Variants in KCNQ5 observed in about 807,000 individuals in gnomAD.
KCNQ5 encodes potassium voltage-gated channel subfamily Q member 5.
KCNQ5 carries 30 observed loss-of-function variants against 98.2 expected under a neutral mutation model. The observed-to-expected ratio is 0.31, with a 90% CI of 0.23 to 0.41. The LOEUF (loss-of-function observed/expected upper bound fraction) is 0.41, where lower values mean the gene tolerates loss of function less well. Among genes scored for constraint, KCNQ5 ranks in the 10% least tolerant of loss-of-function variants. The pLI is 1.00. For synonymous variants in KCNQ5, 458 were observed against 449.4 expected (o/e 1.02, Z -0.24); for missense variants, 835 against 1,182.5 (o/e 0.71, Z 4.31).
At chr6:72,979,090 G>A (rs1024651101) in intron 1 of KCNQ5, among the ~76,000 whole-genome samples, 9 of 152,100 alleles carry the variant, frequency 5.9e-5, no homozygotes, top group African/African-American at 1.9e-4. Flanking sequence ...ATGAATATTT[G>A]GGTTGGTTCC....
chr6:73,147,307 C>A (rs9446856), intron 10 of KCNQ5, among the ~76,000 whole-genome samples: 32,827 of 152,026 alleles, frequency 0.22, 8,444 homozygotes, highest in African/African-American at 0.61. Flanking sequence ...TTAATTAATG[C>A]TGATTTCTGC....
At chr6:73,165,293 A>C (rs1262663018) in intron 10 of KCNQ5, among the ~76,000 whole-genome samples, 3 of 151,892 alleles carry the variant, frequency 2.0e-5, no homozygotes, top group African/African-American at 7.3e-5. Context: ...CTGTACTGGG[A>C]CTCCTGATAA....
chr6:73,020,287 G>A (rs1193897584), intron 2 of KCNQ5, among the ~76,000 whole-genome samples: 2 of 152,016 alleles, frequency 1.3e-5, no homozygotes, highest in African/African-American at 4.8e-5. Flanking sequence ...CAGCGTTCTC[G>A]TGACCTTCTC....
intron 1 of KCNQ5, among the ~76,000 whole-genome samples, chr6:72,681,020 AC>A (rs1337370506): frequency 2.0e-5 from 3 of 152,236 alleles, no homozygotes; most frequent in African/African-American, 7.2e-5. Context: ...CTAATTGTAT[AC>A]CAAAGCACTT....
chr6:73,017,296 T>A (rs2150335844), intron 2 of KCNQ5, among the ~76,000 whole-genome samples: 1 of 152,274 alleles, frequency 6.6e-6, no homozygotes, highest in East Asian at 1.9e-4. Context: ...TAATTCATCA[T>A]TTTTTAAGTT....
At chr6:72,723,783 C>CA (rs951842289) in intron 1 of KCNQ5, among the ~76,000 whole-genome samples, 186 of 149,082 alleles carry the variant, frequency 1.2e-3, no homozygotes, top group Admixed American at 7.3e-3. Flanking sequence ...AGCAAGATTT[C>CA]AAAAAAAAAA....
At chr6:72,647,747 A>G (rs1487800088) in intron 1 of KCNQ5, among the ~76,000 whole-genome samples, 1 of 152,122 alleles carries the variant, frequency 6.6e-6, no homozygotes, top group Non-Finnish European at 1.5e-5. Flanking sequence ...AGGCAAATTT[A>G]TTTCTCTTAT....
chr6:72,953,433 T>C (rs1370462615), intron 1 of KCNQ5, among the ~76,000 whole-genome samples: 2 of 152,218 alleles, frequency 1.3e-5, no homozygotes, highest in Admixed American at 6.5e-5. Context: ...TGCTTTCTCA[T>C]AATGTAGGAA....
intron 1 of KCNQ5, among the ~76,000 whole-genome samples, chr6:72,731,193 G>A (rs915943366): frequency 2.0e-5 from 3 of 152,206 alleles, no homozygotes; most frequent in Admixed American, 6.5e-5. Flanking sequence ...GAGAGGACAG[G>A]TGGGTAGAGA....
intron 1 of KCNQ5, among the ~76,000 whole-genome samples, chr6:72,713,911 C>A (rs775938119): frequency 2.0e-5 from 3 of 152,180 alleles, no homozygotes; most frequent in Admixed American, 2.0e-4. Context: ...CTACCTGGAT[C>A]CTGTGTTGTG....
intron 1 of KCNQ5, among the ~76,000 whole-genome samples, chr6:72,827,831 A>G (rs1286108354): frequency 6.6e-6 from 1 of 152,006 alleles, no homozygotes; most frequent in Non-Finnish European, 1.5e-5. Flanking sequence ...TGTTTCTCAT[A>G]TGTTTTCTCC....
At chr6:72,819,884 A>T (rs532375260) in intron 1 of KCNQ5, among the ~76,000 whole-genome samples, 2 of 152,264 alleles carry the variant, frequency 1.3e-5, no homozygotes, top group South Asian at 4.1e-4. Flanking sequence ...CAGCCTGTTG[A>T]CTTGGAAATA....
At chr6:73,157,489 C>A (rs1296735495) in intron 10 of KCNQ5, 1 of 703,396 alleles carries the variant, frequency 1.4e-6, no homozygotes, top group Non-Finnish European at 2.6e-6. Flanking sequence ...ATTCCCAGAA[C>A]CAACTCCCCG....
rs57770655 is a variant in KCNQ5, at chr6:73,162,083, A to ATT, written c.1469-7649_1469-7648dup. ...AGGTGCCTACCACCATGCCCAGCTA[A>ATT]TTTTTTTTTTTTTTTGTATTTTTAG... On this transcript the variant is annotated intron_variant, in intron 10 of 13. Transcript: ENST00000370398. Among the ~76,000 whole-genome samples, 124 of 141,084 alleles carry ATT rather than the reference A, an allele frequency of 8.8e-4. 1 individual carries two copies. Among genetic ancestry groups the ATT allele is most frequent in the Middle Eastern group, 7.2e-3 (2 of 278 alleles). The allele number at this position is 141,084 out of a possible 152,430, so 92.6% of individuals were successfully genotyped here.
chr6:72,752,441 C>A (rs150723093), intron 1 of KCNQ5, among the ~76,000 whole-genome samples: 1 of 152,192 alleles, frequency 6.6e-6, no homozygotes, highest in African/African-American at 2.4e-5. Context: ...AGCCTAGGTA[C>A]AGATTTCTGC....
At chr6:72,686,593 C>A (rs1362540162) in intron 1 of KCNQ5, among the ~76,000 whole-genome samples, 1 of 151,516 alleles carries the variant, frequency 6.6e-6, no homozygotes, top group Non-Finnish European at 1.5e-5. Context: ...TGTGTCTTGA[C>A]TTTTGTTAAG....
At chr6:72,775,710 A>C (rs1773128169) in intron 1 of KCNQ5, among the ~76,000 whole-genome samples, 1 of 152,136 alleles carries the variant, frequency 6.6e-6, no homozygotes, top group African/African-American at 2.4e-5. Flanking sequence ...GGCACTTTAC[A>C]TCTGTGGTCT....
chr6:72,729,895 T>G (rs1770472326), intron 1 of KCNQ5, among the ~76,000 whole-genome samples: 2 of 152,224 alleles, frequency 1.3e-5, no homozygotes, highest in Non-Finnish European at 2.9e-5. Flanking sequence ...GCACAATGGC[T>G]CACACTTATA....
At chr6:72,971,187 A>T (rs1767878191) in intron 1 of KCNQ5, among the ~76,000 whole-genome samples, 1 of 152,262 alleles carries the variant, frequency 6.6e-6, no homozygotes, top group Admixed American at 6.5e-5. Context: ...TGGGTGAAGG[A>T]TATGAACAGA....
Sources: gnomAD v4.1 joint callset for allele counts (sites outside exome capture counted in the v4.1 genomes callset) on GRCh38, gnomAD v4.1.1 for gene constraint, MANE v1.5 for transcripts, NCBI Gene and HGNC (gene_info 2026-07-23, HGNC 2026-07-21) for gene names.